IGF2BP3: variants seen among roughly 807,000 people sequenced by gnomAD.
IGF2BP3 encodes insulin-like growth factor 2 mRNA-binding protein 3.
Under a neutral mutation model 73.8 loss-of-function variants are expected in IGF2BP3, and 9 were observed. That is an observed-to-expected ratio of 0.12 (90% confidence interval 0.07 to 0.21). The LOEUF is 0.21. Among genes scored for constraint, IGF2BP3 ranks in the 10% least tolerant of loss-of-function variants. IGF2BP3 has a pLI of 1.00. For missense variants in IGF2BP3, 542 were observed against 714.0 expected (o/e 0.76, Z 2.75); for synonymous variants, 258 against 256.7 (o/e 1.01, Z -0.05).
rs770714749 is a variant in IGF2BP3 at position 23,382,328 on chromosome 7, T to G, written c.286-20587A>C. Among the ~76,000 whole-genome samples the G allele has an allele frequency of 3.3e-5, 5 of 151,956 alleles. No individual in the cohort carries two copies. In the East Asian group the frequency reaches 9.7e-4, roughly 29 times the overall value. ...AATACAACAAAACAGGTTGGCAGGA[T>G]AGCAACTCCTGCATCTTTCAGAAAA... On this transcript the variant is annotated intron_variant, in intron 3 of 14. Transcript: ENST00000258729.
At chr7:23,364,608 G>C (rs1392114101) in intron 3 of IGF2BP3, among the ~76,000 whole-genome samples, 1 of 150,232 alleles carries the variant, frequency 6.7e-6, no homozygotes, top group East Asian at 1.9e-4. Flanking sequence ...CGGTGCAGTG[G>C]GCAACCTACT....
intron 2 of IGF2BP3, among the ~76,000 whole-genome samples, chr7:23,445,717 A>C (rs1788049319): frequency 6.6e-6 from 1 of 152,188 alleles, no homozygotes; most frequent in South Asian, 2.1e-4. Flanking sequence ...AAAATGCATG[A>C]TCATGAGCTA....
chr7:23,343,447 T>C (rs1039925696), intron 9 of IGF2BP3, among the ~76,000 whole-genome samples: 3 of 152,196 alleles, frequency 2.0e-5, no homozygotes, highest in Non-Finnish European at 4.4e-5. Flanking sequence ...AGGTACTATA[T>C]TAACCTTTGT....
intron 3 of IGF2BP3, among the ~76,000 whole-genome samples, chr7:23,416,527 A>C (rs902984024): frequency 5.3e-5 from 8 of 152,246 alleles, no homozygotes; most frequent in Non-Finnish European, 4.4e-5. Context: ...TTAAGACTGA[A>C]GCCAGTTGAA....
At chr7:23,357,052 A>T (rs901591450) in intron 5 of IGF2BP3, among the ~76,000 whole-genome samples, 2 of 152,228 alleles carry the variant, frequency 1.3e-5, no homozygotes, top group African/African-American at 2.4e-5. Context: ...CTCTATGGCA[A>T]ATTTAACAGT....
At chr7:23,321,348 T>A (rs1784142539) in intron 10 of IGF2BP3, among the ~76,000 whole-genome samples, 1 of 152,196 alleles carries the variant, frequency 6.6e-6, no homozygotes, top group African/African-American at 2.4e-5. Flanking sequence ...CCCACATGAA[T>A]ACTGCGCTTT....
chr7:23,320,640 T>C (rs540545641), intron 10 of IGF2BP3, among the ~76,000 whole-genome samples: 1 of 145,026 alleles, frequency 6.9e-6, no homozygotes, highest in Admixed American at 7.2e-5. Context: ...AATATGCTTT[T>C]GTTTAAAAAA....
At chr7:23,369,625 A>G (rs1215315327) in intron 3 of IGF2BP3, among the ~76,000 whole-genome samples, 6 of 152,094 alleles carry the variant, frequency 3.9e-5, no homozygotes, top group African/African-American at 7.2e-5. Flanking sequence ...GACATTATGT[A>G]TACACTCACT....
At chr7:23,348,748 C>G (rs1310974041) in intron 6 of IGF2BP3, among the ~76,000 whole-genome samples, 1 of 152,108 alleles carries the variant, frequency 6.6e-6, no homozygotes, top group Non-Finnish European at 1.5e-5. Flanking sequence ...TGCCAAATGT[C>G]TACGGGGGTT....
At chr7:23,379,524 G>T (rs755442238) in intron 3 of IGF2BP3, among the ~76,000 whole-genome samples, 1 of 152,142 alleles carries the variant, frequency 6.6e-6, no homozygotes, top group Non-Finnish European at 1.5e-5. Flanking sequence ...TAATTTTAAA[G>T]GTTTTAATGA....
At chr7:23,380,873 T>A (rs935965910) in intron 3 of IGF2BP3, among the ~76,000 whole-genome samples, 1 of 152,250 alleles carries the variant, frequency 6.6e-6, no homozygotes, top group Non-Finnish European at 1.5e-5. Flanking sequence ...CAGCACCCGA[T>A]GGCAGACTTC....
At chr7:23,420,611 A>AT (rs1376100905) in intron 2 of IGF2BP3, among the ~76,000 whole-genome samples, 1 of 152,232 alleles carries the variant, frequency 6.6e-6, no homozygotes, top group Non-Finnish European at 1.5e-5. Context: ...GTCTAGATTC[A>AT]TAACCTAGTT....
chr7:23,385,311 G>T (rs190326924), intron 3 of IGF2BP3, among the ~76,000 whole-genome samples: 36 of 152,226 alleles, frequency 2.4e-4, no homozygotes, highest in African/African-American at 7.9e-4. Flanking sequence ...AAGGGAGGGA[G>T]AAAGAAAGTG....
chr7:23,460,769 G>C (rs1490496486), intron 2 of IGF2BP3, among the ~76,000 whole-genome samples: 1 of 152,094 alleles, frequency 6.6e-6, no homozygotes, highest in Non-Finnish European at 1.5e-5. Context: ...GGCCAACATG[G>C]TGAAACCCTG....
chr7:23,386,360 G>A (rs1786081374), intron 3 of IGF2BP3, among the ~76,000 whole-genome samples: 1 of 152,006 alleles, frequency 6.6e-6, no homozygotes, highest in African/African-American at 2.4e-5. Context: ...AATTCTACAA[G>A]ATAATCCTGA....
chr7:23,368,959 T>C (rs1376437820), intron 3 of IGF2BP3, among the ~76,000 whole-genome samples: 1 of 151,832 alleles, frequency 6.6e-6, no homozygotes, highest in Non-Finnish European at 1.5e-5. Context: ...GTGAATTGCA[T>C]AGTATGTGAA....
intron 2 of IGF2BP3, among the ~76,000 whole-genome samples, chr7:23,440,269 CA>C (rs35841355): frequency 0.18 from 19,414 of 107,420 alleles, 1,342 homozygotes; most frequent in Middle Eastern, 0.27. Context: ...TTAGTTATTT[CA>C]AAAAAAAAAA....
intron 2 of IGF2BP3, among the ~76,000 whole-genome samples, chr7:23,457,788 A>G (rs377753003): frequency 6.6e-6 from 1 of 152,348 alleles, no homozygotes; most frequent in East Asian, 1.9e-4. Flanking sequence ...GAGAGTGAGG[A>G]TTGAAAAACA....
chr7:23,344,839 T>C (rs1348866374), intron 8 of IGF2BP3, among the ~76,000 whole-genome samples: 1 of 152,244 alleles, frequency 6.6e-6, no homozygotes, highest in Non-Finnish European at 1.5e-5. Context: ...ACTATTTCTC[T>C]TAGACTACTT....
Sources: gnomAD v4.1 joint callset for allele counts (sites outside exome capture counted in the v4.1 genomes callset) on GRCh38, gnomAD v4.1.1 for gene constraint, MANE v1.5 for transcripts, NCBI Gene and HGNC (gene_info 2026-07-23, HGNC 2026-07-21) for gene names.